Variants in SVOPL observed in about 807,000 individuals in gnomAD.
SVOPL encodes SVOP like, also known as putative transporter SVOPL.
SVOPL carries 60 observed loss-of-function variants against 61.0 expected under a neutral mutation model. That is an observed-to-expected ratio of 0.98 (90% CI 0.80 to 1.22). The LOEUF (loss-of-function observed/expected upper bound fraction) is 1.22, where lower values mean the gene tolerates loss of function less well. Ranked by LOEUF, SVOPL falls within the 50% of genes most tolerant of loss-of-function variation. The pLI, the probability that SVOPL is intolerant of heterozygous loss-of-function variation, is 0.00. For synonymous variants in SVOPL, 279 were observed against 250.0 expected (o/e 1.12, Z -1.09); for missense variants, 662 against 643.9 (o/e 1.03, Z -0.30).
chr7:138,594,870 A>G (rs1584758776), intron 15 of SVOPL, among the ~76,000 whole-genome samples: 2 of 152,018 alleles, frequency 1.3e-5, no homozygotes, highest in South Asian at 4.1e-4. Flanking sequence ...ATTTATATGT[A>G]TACATATATA....
intron 7 of SVOPL, among the ~76,000 whole-genome samples, chr7:138,649,445 C>A (rs1801311585): frequency 6.6e-6 from 1 of 151,998 alleles, no homozygotes; most frequent in African/African-American, 2.4e-5. Context: ...AGGCATGTGC[C>A]ACCACGCCCA....
intron 3 of SVOPL, among the ~76,000 whole-genome samples, chr7:138,675,652 C>G (rs112830831): frequency 0.021 from 3,124 of 151,768 alleles, 102 homozygotes; most frequent in African/African-American, 0.072. Flanking sequence ...CACCATGCCC[C>G]GCCCACACAA....
chr7:138,663,521 G>A (rs961992988), intron 4 of SVOPL: 54 of 1,019,268 alleles, frequency 5.3e-5, no homozygotes, highest in Admixed American at 1.1e-4. Context: ...ACTAGAAGCA[G>A]TCTCCCTTTA....
chr7:138,651,573 ATC>A (rs769144242), intron 7 of SVOPL, among the ~76,000 whole-genome samples: 19 of 152,134 alleles, frequency 1.2e-4, no homozygotes, highest in East Asian at 9.7e-4. Context: ...CTCACTTCAT[ATC>A]TCTGTCACGT....
At chr7:138,696,058 A>C (rs979428237) in intron 1 of SVOPL, among the ~76,000 whole-genome samples, 1 of 152,156 alleles carries the variant, frequency 6.6e-6, no homozygotes, top group Admixed American at 6.5e-5. Context: ...CTAGGATTAC[A>C]TGCGTGGGCC....
intron 15 of SVOPL, among the ~76,000 whole-genome samples, chr7:138,596,188 TAAAAAAA>T (rs34972084): frequency 2.5e-5 from 3 of 120,348 alleles, no homozygotes; most frequent in East Asian, 2.6e-4. Flanking sequence ...GACTCTGTCT[TAAAAAAA>T]AAAAAAAAAA....
intron 4 of SVOPL, chr7:138,664,203 C>A: frequency 2.0e-6 from 2 of 983,566 alleles, no homozygotes; most frequent in Non-Finnish European, 2.4e-6. Context: ...CCTCCCCCAC[C>A]TTCTACCTGG....
intron 1 of SVOPL, among the ~76,000 whole-genome samples, chr7:138,697,816 G>C (rs981885070): frequency 2.6e-5 from 4 of 151,324 alleles, no homozygotes; most frequent in Non-Finnish European, 4.4e-5. Flanking sequence ...GAAGAAGAGA[G>C]AAGAGAAGGA....
intron 4 of SVOPL, among the ~76,000 whole-genome samples, chr7:138,667,307 C>A (rs1802290820): frequency 6.6e-6 from 1 of 152,150 alleles, no homozygotes; most frequent in African/African-American, 2.4e-5. Context: ...TCTTGAAACC[C>A]TTCAAGATGC....
At position 138,656,634 on chromosome 7, in the gene SVOPL, C is replaced by A. The variant is rs1801748313; in HGVS notation, c.471-123G>T. 12 of 1,005,134 alleles carry A rather than the reference C, an allele frequency of 1.2e-5. No homozygotes were observed. In the East Asian group the frequency reaches 2.9e-4, roughly 24 times the overall value. 62.3% of individuals were successfully genotyped at this position (1,005,134 alleles called of 1,614,324 possible). A position where few individuals can be genotyped will look rare whatever the true frequency, so the allele number is the denominator to read the frequency against. The stretch of plus-strand genomic sequence containing the variant: ...AAAAGCATAGAAGTTGATTATATAT[C>A]AGAAGAGAATTATGACAGCTAATAT... On this transcript the variant is annotated intron_variant, in intron 6 of 15. Coordinates refer to ENST00000674285, the MANE Select transcript of SVOPL (RefSeq NM_001139456.2).
chr7:138,673,101 GAA>G (rs1380378313), intron 3 of SVOPL, among the ~76,000 whole-genome samples: 3 of 152,126 alleles, frequency 2.0e-5, no homozygotes, highest in African/African-American at 4.8e-5. Context: ...AATTAAAGGA[GAA>G]AATGAATTTG....
At chr7:138,693,564 A>AGAAAGAAAAAAG (rs1802996698) in intron 1 of SVOPL, among the ~76,000 whole-genome samples, 33 of 91,356 alleles carry the variant, frequency 3.6e-4, no homozygotes, top group African/African-American at 1.5e-3. Flanking sequence ...AAAGAAAGAA[A>AGAAAGAAAAAAG]GAAAGAAAGA....
chr7:138,642,995 C>T (rs1050486157), intron 9 of SVOPL, among the ~76,000 whole-genome samples: 1 of 151,864 alleles, frequency 6.6e-6, no homozygotes, highest in Non-Finnish European at 1.5e-5. Flanking sequence ...AAACTGGATC[C>T]CTTGTGCACT....
At chr7:138,597,932 CTG>C (rs1438090658) in intron 14 of SVOPL, among the ~76,000 whole-genome samples, 1 of 152,158 alleles carries the variant, frequency 6.6e-6, no homozygotes, top group Admixed American at 6.5e-5. Flanking sequence ...GGTCACCTAA[CTG>C]TGCTCCAGCA....
At chr7:138,639,027 T>C (rs1268990293) in intron 9 of SVOPL, among the ~76,000 whole-genome samples, 4 of 151,824 alleles carry the variant, frequency 2.6e-5, no homozygotes, top group Admixed American at 6.6e-5. Flanking sequence ...CTGAGGCAGG[T>C]GGATCACCTG....
intron 5 of SVOPL, chr7:138,661,050 TGA>T: frequency 1.0e-6 from 1 of 984,872 alleles, no homozygotes; most frequent in Non-Finnish European, 1.2e-6. Flanking sequence ...TGTGCTTTTT[TGA>T]GATACTCGTG....
At chr7:138,601,114 T>C (rs556109270) in intron 14 of SVOPL, among the ~76,000 whole-genome samples, 74 of 151,792 alleles carry the variant, frequency 4.9e-4, no homozygotes, top group African/African-American at 1.7e-3. Context: ...TAGCCGGGCG[T>C]GGTGGCAGGC....
intron 9 of SVOPL, among the ~76,000 whole-genome samples, chr7:138,630,429 G>A (rs1228692496): frequency 6.6e-6 from 1 of 152,144 alleles, no homozygotes; most frequent in African/African-American, 2.4e-5. Context: ...GGGATGGTAG[G>A]AGGAAACATG....
intron 14 of SVOPL, among the ~76,000 whole-genome samples, chr7:138,602,921 C>T (rs149589094): frequency 2.3e-4 from 35 of 152,244 alleles, no homozygotes; most frequent in African/African-American, 8.4e-4. Context: ...ATCCATCTGC[C>T]TCTGCAGGTC....
Sources: gnomAD v4.1 joint callset for allele counts (sites outside exome capture counted in the v4.1 genomes callset) on GRCh38, gnomAD v4.1.1 for gene constraint, MANE v1.5 for transcripts, NCBI Gene and HGNC (gene_info 2026-07-23, HGNC 2026-07-21) for gene names.